The following ETV6 variants were observed in gnomAD, a reference collection of about 807,000 sequenced individuals.
The protein encoded by ETV6 is ETS variant transcription factor 6, also known as transcription factor ETV6.
In ETV6, 16 loss-of-function variants were observed where a neutral mutation model predicts 51.1. That is an observed-to-expected ratio of 0.31 (90% confidence interval 0.21 to 0.48). The LOEUF (loss-of-function observed/expected upper bound fraction) is 0.48, where lower values mean the gene tolerates loss of function less well. Ranked by LOEUF, ETV6 falls within the 20% of genes least tolerant of loss-of-function variation. The pLI, the probability that ETV6 is intolerant of heterozygous loss-of-function variation, is 0.99. For synonymous variants in ETV6, 240 were observed against 224.1 expected (o/e 1.07, Z -0.64); for missense variants, 458 against 594.8 (o/e 0.77, Z 2.39).
chr12:11,714,750 G>A (rs1865242674), intron 1 of ETV6, among the ~76,000 whole-genome samples: 2 of 151,990 alleles, frequency 1.3e-5, no homozygotes. Context: ...GTTTCAGACT[G>A]AGGGGAGGGA....
chr12:11,790,110 T>TG (rs1945559286), intron 2 of ETV6, among the ~76,000 whole-genome samples: 1 of 151,760 alleles, frequency 6.6e-6, no homozygotes, highest in Non-Finnish European at 1.5e-5. Context: ...CTTTTTTTTT[T>TG]GTTTCTGATA....
At chr12:11,826,187 G>A (rs376107561) in intron 2 of ETV6, among the ~76,000 whole-genome samples, 6 of 152,048 alleles carry the variant, frequency 3.9e-5, no homozygotes, top group African/African-American at 7.2e-5. Context: ...CCTGCAGACC[G>A]CCCAGAGACC....
At chr12:11,742,805 CTTTTTTT>C (rs751007395) in intron 1 of ETV6, among the ~76,000 whole-genome samples, 8 of 78,678 alleles carry the variant, frequency 1.0e-4, no homozygotes, top group South Asian at 3.6e-4. Context: ...TTCTTTCTTT[CTTTTTTT>C]TTTTTTTTTT....
rs1409993308 is a variant in ETV6 at position 11,869,939 on chromosome 12, G to A, written c.979G>A (p.Glu327Lys). ...HIMVSVSPPE[E>K]HAMPIGRIAD... Reference sequence around the variant, plus strand: ...CATGGTCTCTGTCTCCCCGCCTGAAGAGCACGCCATGCCCATTGGGAGAAT... The same window carrying A: ...CATGGTCTCTGTCTCCCCGCCTGAAAAGCACGCCATGCCCATTGGGAGAAT... The change falls in exon 5 of 8, where the codon GAG (glutamate) becomes AAG (lysine). Residue 327 changes from glutamate to lysine, a missense_variant. Physicochemically the swap from Glu to Lys is moderately conservative, Grantham distance 56. Around this residue, in one of 4 missense-constraint regions of ETV6, gnomAD observed 293 missense variants for 315.7 expected, o/e 0.93. Transcript: ENST00000396373. The surrounding 1 kb of genome is among the most constrained non-coding windows in gnomAD (Gnocchi z 5.0). 1 of 1,608,900 alleles carries A rather than the reference G, an allele frequency of 6.2e-7. No homozygotes were observed. Among genetic ancestry groups the A allele is most frequent in the African/African-American group, 1.3e-5 (1 of 74,936 alleles).
chr12:11,824,759 A>C (rs1946129105), intron 2 of ETV6, among the ~76,000 whole-genome samples: 3 of 152,200 alleles, frequency 2.0e-5, no homozygotes, highest in African/African-American at 4.8e-5. Flanking sequence ...GCGACAGAGC[A>C]AGACTCCATC....
intron 2 of ETV6, among the ~76,000 whole-genome samples, chr12:11,807,862 C>A (rs528438749): frequency 1.3e-5 from 2 of 152,246 alleles, no homozygotes; most frequent in African/African-American, 4.8e-5. Flanking sequence ...CTCCTGGTAA[C>A]AATAGGAATT....
intron 4 of ETV6, among the ~76,000 whole-genome samples, chr12:11,863,316 C>G (rs74060885): frequency 6.6e-6 from 1 of 152,088 alleles, no homozygotes; most frequent in African/African-American, 2.4e-5. Context: ...AAGAAAATTA[C>G]CCCACTTAAA....
intron 2 of ETV6, among the ~76,000 whole-genome samples, chr12:11,788,883 G>T (rs1185631427): frequency 1.3e-5 from 2 of 150,934 alleles, no homozygotes; most frequent in Non-Finnish European, 2.9e-5. Context: ...CATAATTTTG[G>T]ACAGAACAAT....
chr12:11,786,418 A>G (rs1343563762), intron 2 of ETV6, among the ~76,000 whole-genome samples: 1 of 152,110 alleles, frequency 6.6e-6, no homozygotes, highest in Non-Finnish European at 1.5e-5. Context: ...TGGAAATAGG[A>G]CATATAATTG....
In ETV6 at chr12:11,650,490, A is replaced by AAAC. The variant is rs1555109508; in HGVS notation, c.33+332_33+333insCAA. 5.4e-4 allele frequency among the ~76,000 whole-genome samples: 34 copies of AAAC among 63,402 alleles called. 2 individuals are homozygous for AAAC. The highest frequency in any genetic ancestry group is 3.4e-3 in the South Asian group (5 of 1,460). 41.6% of individuals were successfully genotyped at this position (63,402 alleles called of 152,430 possible). On this transcript the variant is annotated intron_variant, in intron 1 of 7. Transcript: ENST00000396373. ...CCGTAATTAGTGCGCTTAAAAAAAA[A>AAAC]AAAAACAAAAAACAAAAAAAAAAAA...
At chr12:11,699,468 G>A (rs1864938461) in intron 1 of ETV6, among the ~76,000 whole-genome samples, 1 of 152,164 alleles carries the variant, frequency 6.6e-6, no homozygotes, top group African/African-American at 2.4e-5. Flanking sequence ...GATGGATCTT[G>A]ATGAGGGATG....
At chr12:11,705,458 T>C (rs747954400) in intron 1 of ETV6, among the ~76,000 whole-genome samples, 1 of 152,216 alleles carries the variant, frequency 6.6e-6, no homozygotes, top group Non-Finnish European at 1.5e-5. Flanking sequence ...GATTAGATTA[T>C]CTGCATTGGG....
chr12:11,864,577 A>T (rs748869449), intron 4 of ETV6, among the ~76,000 whole-genome samples: 3 of 152,204 alleles, frequency 2.0e-5, no homozygotes, highest in Non-Finnish European at 4.4e-5. Context: ...ATACATTTCT[A>T]TGGGCAGCAG....
intron 2 of ETV6, among the ~76,000 whole-genome samples, chr12:11,793,353 A>G (rs1218412147): frequency 6.6e-6 from 1 of 152,214 alleles, no homozygotes; most frequent in East Asian, 1.9e-4. Context: ...TGTTCATTTA[A>G]CCATGTTGCT....
In ETV6 at chr12:11,778,047, C is replaced by G. The variant is rs186013732; in HGVS notation, c.163+25468C>G. 2.6e-5 allele frequency among the ~76,000 whole-genome samples: 4 copies of G among 152,218 alleles called. No homozygotes were observed. The South Asian group carries it at 8.3e-4, about 32-fold the overall frequency. On this transcript the variant is annotated intron_variant, in intron 2 of 7. Transcript: ENST00000396373. ...TTTATGAATGGGTGGATCTCACCTA[C>G]GTGACCTGGAACTTCTCTGTTCTCA...
At chr12:11,778,596 G>A (rs1945369075) in intron 2 of ETV6, among the ~76,000 whole-genome samples, 1 of 152,140 alleles carries the variant, frequency 6.6e-6, no homozygotes, top group Admixed American at 6.5e-5. Flanking sequence ...CTTGTGGAGG[G>A]TAGATCATTC....
chr12:11,694,742 T>C (rs557111100), intron 1 of ETV6, among the ~76,000 whole-genome samples: 1 of 152,340 alleles, frequency 6.6e-6, no homozygotes, highest in African/African-American at 2.4e-5. Context: ...ACATGTACTT[T>C]TGTGTGTGTT....
At chr12:11,803,378 T>G (rs1007559131) in intron 2 of ETV6, among the ~76,000 whole-genome samples, 1 of 152,252 alleles carries the variant, frequency 6.6e-6, no homozygotes, top group African/African-American at 2.4e-5. Context: ...TATAATTTTT[T>G]GTCACAGTTT....
chr12:11,840,421 G>A (rs1189081624), intron 3 of ETV6: 16 of 455,930 alleles, frequency 3.5e-5, no homozygotes, highest in Non-Finnish European at 5.3e-5. Context: ...ATTAATTACT[G>A]AAGTACTCAA....
Sources: gnomAD v4.1 joint callset for allele counts (sites outside exome capture counted in the v4.1 genomes callset) on GRCh38, gnomAD v4.1.1 for gene constraint, gnomAD v4.1.1 regional missense constraint, Gnocchi (gnomAD v3.1) non-coding constraint, MANE v1.5 for transcripts, NCBI Gene and HGNC (gene_info 2026-07-23, HGNC 2026-07-21) for gene names.